Variants in FUBP1 observed in about 807,000 individuals in gnomAD.
FUBP1 encodes far upstream element binding protein 1.
A neutral mutation model predicts 94.9 loss-of-function variants in FUBP1; 16 were observed. The ratio of observed to expected loss-of-function variants is 0.17; its 90% CI spans 0.11 to 0.26. The LOEUF (loss-of-function observed/expected upper bound fraction) is 0.26. FUBP1 is among the 10% of genes least tolerant of loss of function. The pLI is 1.00. For missense variants in FUBP1, 583 were observed against 808.6 expected (o/e 0.72, Z 3.38); for synonymous variants, 279 against 254.9 (o/e 1.09, Z -0.90).
intron 1 of FUBP1, among the ~76,000 whole-genome samples, chr1:77,977,214 G>C (rs1658782303): frequency 6.6e-6 from 1 of 151,484 alleles, no homozygotes; most frequent in African/African-American, 2.4e-5. Flanking sequence ...ACAAACAAAC[G>C]AAAAAAAACA....
At chr1:77,978,778 G>C in intron 1 of FUBP1, 107 bp downstream of exon 1, 2 of 1,363,896 alleles carry the variant, frequency 1.5e-6, no homozygotes, top group South Asian at 1.2e-5. Flanking sequence ...TTTCAGCCCG[G>C]AAGAACACCT....
Position 77,978,994 on chromosome 1 carries a change from T to C in FUBP1, c.11A>G (p.Tyr4Cys), listed in dbSNP as rs748733418. ...AGAAGAGGGGGGAGGCACTGTTGAA[T>C]AGTCTGCCATGGTTGCACTATAAGA... Reference protein sequence around the residue: MADYSTVPPPSSGS... With the variant: MADCSTVPPPSSGS... The change falls in exon 1 of 20, where the codon TAT (tyrosine) becomes TGT (cysteine). Residue 4 changes from tyrosine (Y) to cysteine (C), a missense_variant. By Grantham distance (194) the Tyr-to-Cys change is radical. Coordinates refer to ENST00000370768, the MANE Select transcript of FUBP1 (RefSeq NM_003902.5). The C allele has an allele frequency of 5.0e-6, 8 of 1,612,986 alleles. No homozygotes were observed. The highest frequency in any genetic ancestry group is 1.3e-5 in the African/African-American group (1 of 74,878).
At chr1:77,955,219 TTAAG>T (rs750979734) in intron 18 of FUBP1, 32 bp downstream of exon 18, 3 of 858,570 alleles carry the variant, frequency 3.5e-6, no homozygotes, top group East Asian at 2.4e-5. Context: ...TTCAATTTAA[TTAAG>T]TATGTATTTT....
At chr1:77,964,588 A>G in intron 10 of FUBP1, 58 bp downstream of exon 10, 1 of 963,116 alleles carries the variant, frequency 1.0e-6, no homozygotes, top group Non-Finnish European at 1.7e-6. Flanking sequence ...AAAACAGAAA[A>G]CACTATTATA....
chr1:77,952,368 GT>G (rs200503134), intron 18 of FUBP1, among the ~76,000 whole-genome samples: 2,005 of 143,066 alleles, frequency 0.014, 9 homozygotes, highest in Non-Finnish European at 0.017. Context: ...GTTTTCAATA[GT>G]TTTTTTTTTT....
At chr1:77,964,380 T>A (rs528603471) in intron 10 of FUBP1, 24 bp from the exon 11 acceptor site, 1 of 1,384,468 alleles carries the variant, frequency 7.2e-7, no homozygotes, top group South Asian at 1.2e-5. Context: ...GACTAAGTAT[T>A]AAGAAAGCTA....
intron 17 of FUBP1, 81 bp from the exon 18 acceptor site, chr1:77,955,410 T>A: frequency 1.3e-6 from 1 of 770,684 alleles, no homozygotes; most frequent in Non-Finnish European, 2.3e-6. Context: ...GTGCAGGAGC[T>A]GGCAGGGGCC....
chr1:77,946,459 AC>A lies in FUBP1; in HGVS notation c.*2306del, dbSNP rs1652185852. 4.9e-6 allele frequency: 1 copy of A among 202,818 alleles called. No individual in the cohort carries two copies. The highest frequency in any genetic ancestry group is 1.9e-4 in the South Asian group (1 of 5,290). 12.6% of individuals were successfully genotyped at this position (202,818 alleles called of 1,614,324 possible). On this transcript the variant is annotated 3_prime_UTR_variant, in exon 20 of 20. Transcript: ENST00000370768. ...GCAGATTGCCTTTGAATACACAACC[AC>A]AAAAACCTCACAGGGACAACATTAA...
At chr1:77,962,650 G>C (rs938007532) in intron 14 of FUBP1, 120 bp downstream of exon 14, 2 of 567,412 alleles carry the variant, frequency 3.5e-6, no homozygotes, top group African/African-American at 1.9e-5. Context: ...TACATATCAT[G>C]AAATCTATAA....
chr1:77,979,372 G>A (rs1487401533), upstream of FUBP1: 5 of 231,144 alleles, frequency 2.2e-5, no homozygotes, highest in East Asian at 7.1e-5. Context: ...GTGGTGGGAA[G>A]CCTGAAGAAA....
rs773432100 is a variant in FUBP1, at chr1:77,962,998, T to C, written c.1184-68A>G. ...GTACTAGGAGCTATTTAGAAGAAAA[T>C]GGTCACAATTAAATGGGCCATTAAA... On this transcript the variant is annotated intron_variant, in intron 13 of 19. Coordinates refer to ENST00000370768, the MANE Select transcript of FUBP1 (RefSeq NM_003902.5). 5.6e-5 allele frequency: 58 copies of C among 1,029,762 alleles called. 1 individual carries two copies. Among genetic ancestry groups the C allele is most frequent in the East Asian group, 9.7e-5 (4 of 41,134 alleles). 63.8% of individuals were successfully genotyped at this position (1,029,762 alleles called of 1,614,324 possible). A position where few individuals can be genotyped will look rare whatever the true frequency, so the allele number is the denominator to read the frequency against.
At chr1:77,976,596 C>T (rs1658643724) in intron 1 of FUBP1, among the ~76,000 whole-genome samples, 1 of 152,078 alleles carries the variant, frequency 6.6e-6, no homozygotes. Flanking sequence ...CAGGTTGAAG[C>T]GGTTCTTGTG....
chr1:77,976,292 T>C (rs1658576793), intron 1 of FUBP1, among the ~76,000 whole-genome samples: 1 of 152,206 alleles, frequency 6.6e-6, no homozygotes, highest in Non-Finnish European at 1.5e-5. Context: ...TTTAGAGATA[T>C]CATCAAATGT....
intron 18 of FUBP1, among the ~76,000 whole-genome samples, chr1:77,952,972 T>C (rs1378280469): frequency 6.6e-6 from 1 of 150,970 alleles, no homozygotes; most frequent in Admixed American, 6.6e-5. Flanking sequence ...ACTCTGTCTC[T>C]ACTAAAAATA....
At chr1:77,967,813 T>C in intron 3 of FUBP1, 147 bp from the exon 4 acceptor site, 2 of 577,266 alleles carry the variant, frequency 3.5e-6, no homozygotes, top group Non-Finnish European at 6.0e-6. Context: ...TTACACAATA[T>C]TTATATTGGC....
chr1:77,956,064 A>G (rs1470260724), intron 17 of FUBP1, among the ~76,000 whole-genome samples: 1 of 152,192 alleles, frequency 6.6e-6, no homozygotes, highest in Non-Finnish European at 1.5e-5. Flanking sequence ...CAAAATTATA[A>G]AAATACTTTA....
Position 77,969,910 on chromosome 1 carries a change from T to TG in FUBP1, c.211+14_211+15insC. ...ACTCTGAAAAACAATTTAAAATACT[T>TG]AGAGTATAACTTACCTCCATCTTCT... On this transcript the variant is annotated intron_variant, in intron 2 of 19. Transcript: ENST00000370768. The TG allele has an allele frequency of 8.7e-7, 1 of 1,150,510 alleles. No homozygotes were observed. Among genetic ancestry groups the TG allele is most frequent in the South Asian group, 1.4e-5 (1 of 73,086 alleles). The allele number at this position is 1,150,510 out of a possible 1,614,324, so 71.3% of individuals were successfully genotyped here. A position where few individuals can be genotyped will look rare whatever the true frequency, so the allele number is the denominator to read the frequency against.
intron 2 of FUBP1, among the ~76,000 whole-genome samples, chr1:77,968,797 T>C (rs991960295): frequency 2.1e-4 from 32 of 152,220 alleles, no homozygotes; most frequent in Non-Finnish European, 1.5e-5. Flanking sequence ...CTAAATCCAT[T>C]ACACAGATGA....
intron 1 of FUBP1, among the ~76,000 whole-genome samples, chr1:77,970,227 T>C (rs1407068226): frequency 6.6e-6 from 1 of 152,180 alleles, no homozygotes; most frequent in Non-Finnish European, 1.5e-5. Flanking sequence ...AAACTTCTGA[T>C]ACATCCCTAT....
Sources: allele counts gnomAD v4.1 joint callset (sites outside exome capture counted in the v4.1 genomes callset), GRCh38; gene constraint gnomAD v4.1.1; transcripts MANE v1.5; gene names NCBI Gene and HGNC (gene_info 2026-07-23, HGNC 2026-07-21).